The following ERC1 variants were observed in gnomAD, a reference collection of about 807,000 sequenced individuals.
The protein encoded by ERC1 is RAB6 interacting protein 2.
ERC1 carries 56 observed loss-of-function variants against 132.0 expected under a neutral mutation model. That is an observed-to-expected ratio of 0.42 (90% CI 0.34 to 0.53). The LOEUF (loss-of-function observed/expected upper bound fraction) is 0.53, where lower values mean the gene tolerates loss of function less well. Ranked by LOEUF, ERC1 falls within the 20% of genes least tolerant of loss-of-function variation. The pLI is 0.03. For missense variants in ERC1, 1,202 were observed against 1,349.9 expected (o/e 0.89, Z 1.72); for synonymous variants, 478 against 476.1 (o/e 1.00, Z -0.05).
At chr12:1,261,521 C>G (rs966234669) in intron 13 of ERC1, among the ~76,000 whole-genome samples, 20 of 152,150 alleles carry the variant, frequency 1.3e-4, no homozygotes, top group African/African-American at 4.8e-4. Flanking sequence ...TTCTTTGATT[C>G]TGAAGAAACC....
intron 12 of ERC1, among the ~76,000 whole-genome samples, chr12:1,218,888 T>A (rs1958691822): frequency 6.6e-6 from 1 of 151,922 alleles, no homozygotes; most frequent in South Asian, 2.1e-4. Context: ...TTTTCTTTTT[T>A]TTGAGATGGA....
intron 13 of ERC1, among the ~76,000 whole-genome samples, chr12:1,255,441 A>G (rs1050925231): frequency 6.6e-6 from 1 of 152,064 alleles, no homozygotes; most frequent in African/African-American, 2.4e-5. Context: ...AATGATTTAT[A>G]ATCCTTTGGG....
chr12:1,452,114 T>G (rs1014623464), intron 18 of ERC1, among the ~76,000 whole-genome samples: 1 of 152,212 alleles, frequency 6.6e-6, no homozygotes, highest in African/African-American at 2.4e-5. Flanking sequence ...AGACTGGTAT[T>G]TTGTTATGGC....
intron 18 of ERC1, among the ~76,000 whole-genome samples, chr12:1,450,241 A>G (rs147168779): frequency 0.013 from 2,041 of 152,304 alleles, 52 homozygotes; most frequent in African/African-American, 0.046. Context: ...TATATTCATA[A>G]CGTAAACTAT....
intron 1 of ERC1, among the ~76,000 whole-genome samples, chr12:999,041 G>T (rs768387257): frequency 6.6e-6 from 1 of 151,816 alleles, no homozygotes; most frequent in Non-Finnish European, 1.5e-5. Context: ...TGTATTTTTA[G>T]TAGAGATGGG....
chr12:1,255,621 CTTT>C (rs757949030), intron 13 of ERC1, among the ~76,000 whole-genome samples: 9 of 61,556 alleles, frequency 1.5e-4, no homozygotes, highest in African/African-American at 3.0e-4. Flanking sequence ...GCTTCCTGGC[CTTT>C]TTTTTTTTTT....
intron 7 of ERC1, among the ~76,000 whole-genome samples, chr12:1,118,341 C>T (rs1946684190): frequency 6.6e-6 from 1 of 152,178 alleles, no homozygotes; most frequent in Non-Finnish European, 1.5e-5. Flanking sequence ...CTTGGCAATC[C>T]ATGCTTCTCT....
intron 2 of ERC1, among the ~76,000 whole-genome samples, chr12:1,077,169 C>T (rs908066068): frequency 1.4e-5 from 2 of 142,774 alleles, no homozygotes; most frequent in Non-Finnish European, 3.2e-5. Flanking sequence ...AAACAGTGTA[C>T]TGAGTTCTCT....
chr12:1,439,927 C>T (rs1289389032), intron 17 of ERC1, among the ~76,000 whole-genome samples: 2 of 152,078 alleles, frequency 1.3e-5, no homozygotes, highest in Admixed American at 6.6e-5. Flanking sequence ...AGGGCATTTC[C>T]CACATGATTG....
intron 8 of ERC1, among the ~76,000 whole-genome samples, chr12:1,146,611 T>TG (rs939136282): frequency 1.4e-4 from 19 of 138,090 alleles, no homozygotes; most frequent in Non-Finnish European, 2.4e-4. Context: ...CTTCCAGTAC[T>TG]GTTTTTTTTT....
intron 18 of ERC1, among the ~76,000 whole-genome samples, chr12:1,456,974 A>G (rs1261903829): frequency 3.3e-5 from 5 of 152,216 alleles, no homozygotes; most frequent in Non-Finnish European, 4.4e-5. Flanking sequence ...GCTACATAAC[A>G]ATATTTCAGT....
At chr12:1,403,540 C>T (rs1659718552) in intron 16 of ERC1, among the ~76,000 whole-genome samples, 1 of 152,126 alleles carries the variant, frequency 6.6e-6, no homozygotes, top group African/African-American at 2.4e-5. Flanking sequence ...CATACTAGAC[C>T]TAGGAACACT....
At chr12:1,187,236 G>A (rs1347605558) in intron 11 of ERC1, among the ~76,000 whole-genome samples, 1 of 152,012 alleles carries the variant, frequency 6.6e-6, no homozygotes, top group Non-Finnish European at 1.5e-5. Context: ...TCTTTAAGGG[G>A]TTTAAAATTC....
At chr12:1,143,040 A>G (rs1203814926) in intron 8 of ERC1, among the ~76,000 whole-genome samples, 1 of 152,010 alleles carries the variant, frequency 6.6e-6, no homozygotes, top group Non-Finnish European at 1.5e-5. Context: ...CTGGGACTAC[A>G]GGTGCCTGCC....
chr12:1,135,569 A>C (rs570116807), intron 7 of ERC1, among the ~76,000 whole-genome samples: 2 of 152,306 alleles, frequency 1.3e-5, no homozygotes, highest in African/African-American at 4.8e-5. Context: ...ATTATTAGTT[A>C]AGGTTTGAGA....
chr12:1,446,104 T>G (rs929326013), intron 18 of ERC1, among the ~76,000 whole-genome samples: 16 of 152,150 alleles, frequency 1.1e-4, no homozygotes, highest in African/African-American at 3.6e-4. Flanking sequence ...AGGGTAAACA[T>G]TCCATCTATA....
At chr12:1,209,766 C>G (rs1229169572) in intron 12 of ERC1, among the ~76,000 whole-genome samples, 1 of 152,154 alleles carries the variant, frequency 6.6e-6, no homozygotes, top group Non-Finnish European at 1.5e-5. Flanking sequence ...GTTGAGCGTG[C>G]TTTGACTCAC....
chr12:1,273,127 T>C (rs10491955), intron 14 of ERC1, among the ~76,000 whole-genome samples: 34,663 of 152,136 alleles, frequency 0.23, 4,765 homozygotes, highest in Non-Finnish European at 0.3. Context: ...AACTAAGCAT[T>C]GGTTTTAGAA....
chr12:1,189,900 G>A lies in ERC1; in HGVS notation c.2199G>A (p.Met733Ile). 6.2e-7 allele frequency: 1 copy of A among 1,613,840 alleles called. No individual in the cohort carries two copies. The change falls in exon 12 of 19, where the codon ATG (methionine) becomes ATA (isoleucine). Residue 733 changes from methionine to isoleucine, a missense_variant. Coordinates refer to ENST00000360905, the MANE Select transcript of ERC1 (RefSeq NM_178040.4). ...TGGAAGCCAGAGCCAGTCCAGAGAT[G>A]AGTGACCGAATACAGCACTTGGAGA... ...AALEARASPE[M>I]SDRIQHLERE...
Sources: gnomAD v4.1 joint callset for allele counts (sites outside exome capture counted in the v4.1 genomes callset) on GRCh38, gnomAD v4.1.1 for gene constraint, MANE v1.5 for transcripts, NCBI Gene and HGNC (gene_info 2026-07-23, HGNC 2026-07-21) for gene names.